BBX: variants seen among roughly 807,000 people sequenced by gnomAD.
BBX encodes the protein BBX high mobility group box domain containing, also known as HMG box transcription factor BBX.
BBX carries 30 observed loss-of-function variants against 100.2 expected under a neutral mutation model. That is an observed-to-expected ratio of 0.30 (90% CI 0.22 to 0.41). The LOEUF (loss-of-function observed/expected upper bound fraction) is 0.41. BBX is among the 10% of genes least tolerant of loss of function. The pLI is 1.00. For synonymous variants in BBX, 376 were observed against 388.1 expected (o/e 0.97, Z 0.37); for missense variants, 1,023 against 1,129.8 (o/e 0.91, Z 1.35).
At chr3:107,562,571 A>C (rs1260342952) in intron 2 of BBX, among the ~76,000 whole-genome samples, 1 of 152,318 alleles carries the variant, frequency 6.6e-6, no homozygotes, top group East Asian at 1.9e-4. Flanking sequence ...TATGTAAAAT[A>C]TATTTGTGAG....
chr3:107,777,411 T>C (rs1441388706), intron 12 of BBX, among the ~76,000 whole-genome samples: 1 of 152,188 alleles, frequency 6.6e-6, no homozygotes, highest in Non-Finnish European at 1.5e-5. Flanking sequence ...ACCCCTTAGC[T>C]AGCAGCCTAA....
At chr3:107,630,177 A>G (rs934033051) in intron 2 of BBX, among the ~76,000 whole-genome samples, 4 of 152,164 alleles carry the variant, frequency 2.6e-5, no homozygotes, top group Non-Finnish European at 5.9e-5. Flanking sequence ...ACCAATGTTC[A>G]GGATTATTCT....
chr3:107,743,284 TAA>T (rs1174802919), intron 7 of BBX, among the ~76,000 whole-genome samples: 1 of 152,222 alleles, frequency 6.6e-6, no homozygotes, highest in African/African-American at 2.4e-5. Context: ...CTCTAAATTA[TAA>T]AGATATATTT....
chr3:107,773,374 A>G lies in BBX; in HGVS notation c.1653A>G (p.Arg551=). The G allele has an allele frequency of 1.2e-6, 2 of 1,614,022 alleles. No individual in the cohort carries two copies. Among genetic ancestry groups the G allele is most frequent in the Middle Eastern group, 3.3e-4 (2 of 6,062 alleles). The part of the protein sequence containing the change: ...EKSSDTTKES[R]PPDFISISAS... ...CCTCAGACACCACCAAAGAGTCAAG[A>G]CCTCCAGATTTCATTAGTATTTCTG... Residue 551 remains arginine, a synonymous_variant, in exon 11 of 18, where the codon AGA becomes AGG. Coordinates refer to ENST00000325805, the MANE Select transcript of BBX (RefSeq NM_001142568.3). The surrounding 1 kb of genome is among the most constrained non-coding windows in gnomAD (Gnocchi z 4.1).
At chr3:107,629,315 C>T (rs2056401571) in intron 2 of BBX, among the ~76,000 whole-genome samples, 1 of 152,170 alleles carries the variant, frequency 6.6e-6, no homozygotes, top group Non-Finnish European at 1.5e-5. Context: ...TATCCAGGGT[C>T]CATGAATATA....
At chr3:107,647,766 C>T (rs1183449562) in intron 3 of BBX, among the ~76,000 whole-genome samples, 1 of 152,126 alleles carries the variant, frequency 6.6e-6, no homozygotes, top group African/African-American at 2.4e-5. Context: ...TGGCAATAAA[C>T]ATTTATTTCT....
chr3:107,777,273 G>T (rs1022179211), intron 12 of BBX, among the ~76,000 whole-genome samples: 1 of 152,126 alleles, frequency 6.6e-6, no homozygotes, highest in African/African-American at 2.4e-5. Context: ...CCCCCCTCCA[G>T]TAAAGGGGTG....
chr3:107,560,652 C>T (rs2050422249), intron 2 of BBX, among the ~76,000 whole-genome samples: 1 of 152,186 alleles, frequency 6.6e-6, no homozygotes, highest in African/African-American at 2.4e-5. Context: ...GAGATCACTG[C>T]TTATTATCTA....
intron 3 of BBX, among the ~76,000 whole-genome samples, chr3:107,696,934 T>A (rs901927877): frequency 6.6e-6 from 1 of 151,790 alleles, no homozygotes; most frequent in African/African-American, 2.4e-5. Context: ...CCTTCTTGCT[T>A]CATTTCATTC....
intron 2 of BBX, among the ~76,000 whole-genome samples, chr3:107,635,310 T>C (rs187354503): frequency 9.5e-4 from 145 of 152,342 alleles, no homozygotes; most frequent in African/African-American, 3.4e-3. Context: ...CATGTTTTTA[T>C]TTTGTTTAAT....
chr3:107,593,512 G>A (rs1005421628), intron 2 of BBX, among the ~76,000 whole-genome samples: 1 of 152,190 alleles, frequency 6.6e-6, no homozygotes, highest in Admixed American at 6.5e-5. Flanking sequence ...CTTTCAAATA[G>A]TTTTTCTTCC....
intron 10 of BBX, among the ~76,000 whole-genome samples, chr3:107,768,628 C>T (rs1275529789): frequency 1.3e-5 from 2 of 151,732 alleles, no homozygotes; most frequent in African/African-American, 4.8e-5. Context: ...CATCTAAGTG[C>T]AAAACATAAA....
intron 10 of BBX, among the ~76,000 whole-genome samples, chr3:107,766,019 T>C (rs2066363657): frequency 6.6e-6 from 1 of 152,150 alleles, no homozygotes; most frequent in Non-Finnish European, 1.5e-5. Flanking sequence ...ACTAAAGTGC[T>C]CAGAAGAAGA....
chr3:107,604,863 T>G (rs1559864215), intron 2 of BBX, among the ~76,000 whole-genome samples: 1 of 151,452 alleles, frequency 6.6e-6, no homozygotes, highest in Non-Finnish European at 1.5e-5. Flanking sequence ...TGCCAGAAAT[T>G]TATTACATGT....
chr3:107,801,681 G>A (rs1054748777), intron 17 of BBX, among the ~76,000 whole-genome samples: 3 of 152,018 alleles, frequency 2.0e-5, no homozygotes, highest in Non-Finnish European at 2.9e-5. Flanking sequence ...TAAAAAAACA[G>A]GGGCAGGTGG....
At chr3:107,642,370 G>A (rs909537535) in intron 2 of BBX, among the ~76,000 whole-genome samples, 3 of 152,212 alleles carry the variant, frequency 2.0e-5, no homozygotes, top group Non-Finnish European at 4.4e-5. Context: ...TTGTATCCAT[G>A]TAAAGATGGA....
At chr3:107,755,509 C>A in intron 9 of BBX, 89 bp from the exon 10 acceptor site, 1 of 1,164,998 alleles carries the variant, frequency 8.6e-7, no homozygotes, top group African/African-American at 1.5e-5. Flanking sequence ...ACTCTCGTAA[C>A]TAAGAAAAAT....
intron 2 of BBX, among the ~76,000 whole-genome samples, chr3:107,583,978 ATAT>A (rs1332417454): frequency 1.2e-4 from 8 of 69,212 alleles, no homozygotes; most frequent in East Asian, 3.7e-4. Flanking sequence ...ATATATTATT[ATAT>A]TATTATATAT....
At position 107,605,707 on chromosome 3, in the gene BBX, A is replaced by G. The variant is rs572300173; in HGVS notation, c.-83-40129A>G. Among the ~76,000 whole-genome samples the G allele has an allele frequency of 6.2e-4, 95 of 152,296 alleles. 1 individual carries two copies. In the Middle Eastern group the frequency reaches 0.01, roughly 16 times the overall value. On this transcript the variant is annotated intron_variant, in intron 2 of 17. Transcript: ENST00000325805. ...AACTTTTGCATATAAAGGGACAGGC[A>G]TGTATGTCCCATCTCCTCATTTTGC...
Sources: gnomAD v4.1 joint callset for allele counts (sites outside exome capture counted in the v4.1 genomes callset) on GRCh38, gnomAD v4.1.1 for gene constraint, Gnocchi (gnomAD v3.1) non-coding constraint, MANE v1.5 for transcripts, NCBI Gene and HGNC (gene_info 2026-07-23, HGNC 2026-07-21) for gene names.